TMPRSS11F: variants seen among roughly 807,000 people sequenced by gnomAD.
TMPRSS11F encodes the protein transmembrane serine protease 11F, also known as transmembrane protease serine 11F.
TMPRSS11F carries 47 observed loss-of-function variants against 60.2 expected under a neutral mutation model. That is an observed-to-expected ratio of 0.78 (90% CI 0.62 to 1.00). TMPRSS11F has a LOEUF of 1.00. Ranked by LOEUF, TMPRSS11F falls within the 50% of genes least tolerant of loss-of-function variation. The pLI, the probability that TMPRSS11F is intolerant of heterozygous loss-of-function variation, is 0.00. For synonymous variants in TMPRSS11F, 166 were observed against 167.3 expected, an observed-to-expected ratio of 0.99 and a Z score of 0.06; for missense variants, 519 against 522.9, an observed-to-expected ratio of 0.99 and a Z score of 0.07.
chr4:68,098,309 A>G (rs1724112254), intron 2 of TMPRSS11F, among the ~76,000 whole-genome samples: 1 of 152,174 alleles, frequency 6.6e-6, no homozygotes, highest in Non-Finnish European at 1.5e-5. Context: ...TGTCTCAAAA[A>G]AAAAGAGGAA....
At chr4:68,096,210 C>T (rs1445932250) in intron 2 of TMPRSS11F, among the ~76,000 whole-genome samples, 1 of 151,896 alleles carries the variant, frequency 6.6e-6, no homozygotes, top group Non-Finnish European at 1.5e-5. Flanking sequence ...AAAATACGTA[C>T]AATGCTGTTA....
At chr4:68,054,305 T>G (rs760602654) in intron 9 of TMPRSS11F, among the ~76,000 whole-genome samples, 1 of 152,094 alleles carries the variant, frequency 6.6e-6, no homozygotes, top group Non-Finnish European at 1.5e-5. Flanking sequence ...TGTATCAGTA[T>G]CCTTAGGTTT....
chr4:68,098,031 A>C (rs1465119398), intron 2 of TMPRSS11F, among the ~76,000 whole-genome samples: 1 of 152,138 alleles, frequency 6.6e-6, no homozygotes, highest in Non-Finnish European at 1.5e-5. Flanking sequence ...TCGGCGGGGC[A>C]TGGTGGCTGA....
intron 3 of TMPRSS11F, among the ~76,000 whole-genome samples, chr4:68,085,250 A>C (rs577700601): frequency 1.3e-4 from 19 of 151,224 alleles, no homozygotes; most frequent in Admixed American, 4.6e-4. Flanking sequence ...GTATATACCC[A>C]GTAATGGGAT....
chr4:68,103,445 CA>C (rs56223617), intron 1 of TMPRSS11F, among the ~76,000 whole-genome samples: 31,537 of 141,796 alleles, frequency 0.22, 3,567 homozygotes, highest in Admixed American at 0.36. Context: ...GACCCTGTCT[CA>C]AAAAAAAAAA....
intron 1 of TMPRSS11F, among the ~76,000 whole-genome samples, chr4:68,127,219 T>C (rs762137226): frequency 6.6e-5 from 10 of 152,182 alleles, no homozygotes; most frequent in Non-Finnish European, 1.5e-4. Flanking sequence ...GGCTATGTTC[T>C]CTCAACCCAG....
intron 1 of TMPRSS11F, among the ~76,000 whole-genome samples, chr4:68,104,560 C>T (rs895836657): frequency 1.3e-5 from 2 of 152,110 alleles, no homozygotes; most frequent in African/African-American, 4.8e-5. Context: ...TCACCTTCTG[C>T]CATGATTATA....
intron 8 of TMPRSS11F, among the ~76,000 whole-genome samples, chr4:68,064,062 C>T (rs1243508567): frequency 5.3e-5 from 8 of 150,962 alleles, no homozygotes; most frequent in Non-Finnish European, 5.9e-5. Flanking sequence ...TGTTCTGTCC[C>T]TTCTTATATC....
chr4:68,129,122 C>T (rs1724769564), intron 1 of TMPRSS11F, among the ~76,000 whole-genome samples: 1 of 152,016 alleles, frequency 6.6e-6, no homozygotes, highest in Admixed American at 6.6e-5. Context: ...ATGAAATCAT[C>T]CATCAAATAT....
intron 1 of TMPRSS11F, among the ~76,000 whole-genome samples, chr4:68,104,662 G>T (rs1724263992): frequency 6.6e-6 from 1 of 152,136 alleles, no homozygotes; most frequent in Non-Finnish European, 1.5e-5. Context: ...TTTCTTCATA[G>T]CAGTGTGAGA....
intron 2 of TMPRSS11F, among the ~76,000 whole-genome samples, chr4:68,098,135 A>G (rs1577928147): frequency 6.6e-6 from 1 of 152,024 alleles, no homozygotes; most frequent in East Asian, 1.9e-4. Flanking sequence ...TGAAACCCCA[A>G]CTCTACTAAA....
At chr4:68,095,171 GTATAT>G (rs1724046456) in intron 2 of TMPRSS11F, among the ~76,000 whole-genome samples, 1 of 150,786 alleles carries the variant, frequency 6.6e-6, no homozygotes, top group South Asian at 2.1e-4. Flanking sequence ...AAAAATATAT[GTATAT>G]TATATGTATA....
At chr4:68,102,913 A>C (rs1301078999) in intron 1 of TMPRSS11F, among the ~76,000 whole-genome samples, 1 of 149,044 alleles carries the variant, frequency 6.7e-6, no homozygotes, top group Non-Finnish European at 1.5e-5. Context: ...AGGAGCTTTT[A>C]CCCTATGTTC....
At chr4:68,060,424 G>A (rs1723140139) in intron 8 of TMPRSS11F, among the ~76,000 whole-genome samples, 2 of 140,006 alleles carry the variant, frequency 1.4e-5, no homozygotes, top group Non-Finnish European at 3.0e-5. Context: ...GCTGAGGCAG[G>A]AGAACGGCGT....
chr4:68,120,179 G>A (rs1235564784), intron 1 of TMPRSS11F, among the ~76,000 whole-genome samples: 1 of 151,976 alleles, frequency 6.6e-6, no homozygotes, highest in African/African-American at 2.4e-5. Flanking sequence ...AAAAGAAAGT[G>A]GTTTTTTGAG....
chr4:68,058,214 G>A (rs554023696), intron 9 of TMPRSS11F, among the ~76,000 whole-genome samples: 4 of 152,294 alleles, frequency 2.6e-5, no homozygotes, highest in African/African-American at 9.6e-5. Context: ...ATAGCTAAGA[G>A]AGTAAATTTT....
intron 1 of TMPRSS11F, among the ~76,000 whole-genome samples, chr4:68,127,708 C>T (rs924774799): frequency 6.6e-6 from 1 of 152,056 alleles, no homozygotes; most frequent in Admixed American, 6.6e-5. Flanking sequence ...GGTACACATA[C>T]TTGTATGTGT....
chr4:68,063,074 G>A, intron 8 of TMPRSS11F: 1 of 649,624 alleles, frequency 1.5e-6, no homozygotes, highest in Non-Finnish European at 3.0e-6. Context: ...TCCTTGTACT[G>A]TATTCTGAAC....
intron 3 of TMPRSS11F, chr4:68,081,081 T>C (rs1168052503): frequency 1.3e-5 from 2 of 152,238 alleles, no homozygotes; most frequent in South Asian, 4.1e-4. Context: ...AGATGTCCTT[T>C]TAAAACATAG....
Sources: gnomAD v4.1 joint callset for allele counts (sites outside exome capture counted in the v4.1 genomes callset) on GRCh38, gnomAD v4.1.1 for gene constraint, MANE v1.5 for transcripts, NCBI Gene and HGNC (gene_info 2026-07-23, HGNC 2026-07-21) for gene names.